Variants in GRID1 observed in about 807,000 individuals in gnomAD.
GRID1 encodes the protein glutamate ionotropic receptor delta type subunit 1.
Under a neutral mutation model 98.0 loss-of-function variants are expected in GRID1, and 28 were observed. That is an observed-to-expected ratio of 0.29 (90% confidence interval 0.21 to 0.39). The LOEUF is 0.39. Ranked by LOEUF, GRID1 falls within the 10% of genes least tolerant of loss-of-function variation. The probability of loss-of-function intolerance (pLI) is 1.00; values close to 1 mark genes in which losing one functional copy is unlikely to be tolerated. For synonymous variants in GRID1, 553 were observed against 538.5 expected, an observed-to-expected ratio of 1.03 and a Z score of -0.37; for missense variants, 1,111 against 1,340.5, an observed-to-expected ratio of 0.83 and a Z score of 2.67.
chr10:85,810,830 C>A (rs533249044), intron 8 of GRID1, among the ~76,000 whole-genome samples: 43 of 152,118 alleles, frequency 2.8e-4, no homozygotes, highest in Non-Finnish European at 5.0e-4. Context: ...CCCTGGCAGA[C>A]CCACTCCAAG....
chr10:86,100,493 T>C (rs11201884), intron 4 of GRID1, among the ~76,000 whole-genome samples: 24,179 of 151,968 alleles, frequency 0.16, 2,045 homozygotes, highest in African/African-American at 0.18. Context: ...ACAAGATTAA[T>C]CAATGAAATG....
At chr10:86,039,290 A>G (rs111499898) in intron 4 of GRID1, among the ~76,000 whole-genome samples, 5 of 151,832 alleles carry the variant, frequency 3.3e-5, no homozygotes, top group African/African-American at 1.2e-4. Flanking sequence ...TCAATTCACC[A>G]CTCTGTGAAT....
chr10:85,951,306 C>A (rs1023520135), intron 4 of GRID1, among the ~76,000 whole-genome samples: 2 of 152,132 alleles, frequency 1.3e-5, no homozygotes, highest in Non-Finnish European at 2.9e-5. Flanking sequence ...GGAATCAGAG[C>A]AAATAAAAGG....
At chr10:86,080,910 T>C (rs2131930224) in intron 4 of GRID1, among the ~76,000 whole-genome samples, 1 of 152,240 alleles carries the variant, frequency 6.6e-6, no homozygotes, top group Middle Eastern at 3.4e-3. Flanking sequence ...TGCTCCCAGG[T>C]AGACTAATTC....
intron 2 of GRID1, among the ~76,000 whole-genome samples, chr10:86,317,765 T>C (rs1195657398): frequency 6.6e-6 from 1 of 152,074 alleles, no homozygotes; most frequent in Non-Finnish European, 1.5e-5. Flanking sequence ...TTTTTAGACA[T>C]GGTCGCACTC....
intron 13 of GRID1, among the ~76,000 whole-genome samples, chr10:85,630,512 C>T (rs947924041): frequency 4.6e-5 from 7 of 152,204 alleles, no homozygotes; most frequent in African/African-American, 1.4e-4. Context: ...TTGTCCTCAA[C>T]CATCAGCCTA....
chr10:85,900,371 A>T (rs1204597243), intron 5 of GRID1, among the ~76,000 whole-genome samples: 1 of 152,232 alleles, frequency 6.6e-6, no homozygotes, highest in Non-Finnish European at 1.5e-5. Flanking sequence ...CAGCAAGTTC[A>T]TCTGAATCCA....
intron 12 of GRID1, among the ~76,000 whole-genome samples, chr10:85,698,747 T>C (rs144790530): frequency 6.6e-6 from 1 of 152,266 alleles, no homozygotes; most frequent in Non-Finnish European, 1.5e-5. Flanking sequence ...GCGAACTGTC[T>C]GCCAAAGTGG....
chr10:86,259,363 ATCCAT>A (rs1278268294), intron 2 of GRID1, among the ~76,000 whole-genome samples: 2 of 152,130 alleles, frequency 1.3e-5, no homozygotes, highest in Admixed American at 1.3e-4. Flanking sequence ...ATCTGTACCT[ATCCAT>A]GTTCACTGAT....
In GRID1 at chr10:86,340,869, A is replaced by G. The variant is rs547583650; in HGVS notation, c.235+23072T>C. The stretch of plus-strand genomic sequence containing the variant: ...ACACCTGGAGGGTGTCAAGGGAGGA[A>G]GAGAAAGGCCTTCACTCTGCCTCTC... On this transcript the variant is annotated intron_variant, in intron 2 of 15. Coordinates refer to ENST00000327946, the MANE Select transcript of GRID1 (RefSeq NM_017551.3). Among the ~76,000 whole-genome samples the G allele has an allele frequency of 2.0e-5, 3 of 152,232 alleles. No individual in the cohort carries two copies. In the East Asian group the frequency reaches 5.8e-4, roughly 29 times the overall value.
intron 2 of GRID1, among the ~76,000 whole-genome samples, chr10:86,333,431 A>G: frequency 6.6e-6 from 1 of 152,246 alleles, no homozygotes. Context: ...CATTTTGAGG[A>G]AAGGAGTTGT....
At chr10:86,227,597 C>G (rs1846374106) in intron 2 of GRID1, among the ~76,000 whole-genome samples, 1 of 152,170 alleles carries the variant, frequency 6.6e-6, no homozygotes, top group Non-Finnish European at 1.5e-5. Flanking sequence ...CAGTCCCTTC[C>G]CAATACCTGC....
chr10:85,904,614 T>C (rs1430336563), intron 5 of GRID1, among the ~76,000 whole-genome samples: 1 of 152,074 alleles, frequency 6.6e-6, no homozygotes, highest in African/African-American at 2.4e-5. Flanking sequence ...TAAACAGTTA[T>C]TATAACTACT....
At chr10:85,715,530 TA>T (rs1399615463) in intron 12 of GRID1, among the ~76,000 whole-genome samples, 3 of 150,830 alleles carry the variant, frequency 2.0e-5, no homozygotes, top group African/African-American at 7.5e-5. Flanking sequence ...ACAAATAGTT[TA>T]ATTTAAAAAT....
intron 4 of GRID1, among the ~76,000 whole-genome samples, chr10:86,004,645 T>C (rs1180475184): frequency 6.6e-6 from 1 of 152,134 alleles, no homozygotes; most frequent in Non-Finnish European, 1.5e-5. Flanking sequence ...ACCTGCTGGC[T>C]CACTCTGCAG....
chr10:85,634,098 G>A (rs1338346340), intron 13 of GRID1, among the ~76,000 whole-genome samples: 1 of 151,902 alleles, frequency 6.6e-6, no homozygotes, highest in African/African-American at 2.4e-5. Context: ...TTGAACCCAG[G>A]AGGCGGAGGT....
intron 14 of GRID1, among the ~76,000 whole-genome samples, chr10:85,616,679 G>A (rs894737718): frequency 1.3e-5 from 2 of 152,158 alleles, no homozygotes; most frequent in South Asian, 4.1e-4. Flanking sequence ...AGGGACAGAG[G>A]AAAGCTAAAA....
At chr10:86,208,737 T>C (rs66601895) in intron 2 of GRID1, among the ~76,000 whole-genome samples, 41,226 of 152,214 alleles carry the variant, frequency 0.27, 6,749 homozygotes, top group Non-Finnish European at 0.38. Flanking sequence ...TCATGCCTGC[T>C]GTGTTCACCA....
chr10:85,760,125 C>A (rs1935520509), intron 8 of GRID1, among the ~76,000 whole-genome samples: 1 of 152,182 alleles, frequency 6.6e-6, no homozygotes, highest in Non-Finnish European at 1.5e-5. Flanking sequence ...CCCTATTTTA[C>A]CTCAGTGAGA....
Sources: gnomAD v4.1 joint callset for allele counts (sites outside exome capture counted in the v4.1 genomes callset) on GRCh38, gnomAD v4.1.1 for gene constraint, MANE v1.5 for transcripts, NCBI Gene and HGNC (gene_info 2026-07-23, HGNC 2026-07-21) for gene names.